LIN28B: variants seen among roughly 807,000 people sequenced by gnomAD.
LIN28B encodes protein lin-28 homolog B.
Under a neutral mutation model 21.9 loss-of-function variants are expected in LIN28B, and 5 were observed. That is an observed-to-expected ratio of 0.23 (90% CI 0.12 to 0.48). The LOEUF (loss-of-function observed/expected upper bound fraction) is 0.48, where lower values mean the gene tolerates loss of function less well. LIN28B is among the 20% of genes least tolerant of loss of function. The pLI, the probability that LIN28B is intolerant of heterozygous loss-of-function variation, is 0.98. For synonymous variants in LIN28B, 109 were observed against 111.3 expected (o/e 0.98, Z 0.13); for missense variants, 245 against 310.5 (o/e 0.79, Z 1.58).
rs1456520348 is a variant in LIN28B at position 105,078,406 on chromosome 6, C to T, written c.384-8C>T. On this transcript the variant is annotated splice_polypyrimidine_tract_variant and splice_region_variant and intron_variant, in intron 3 of 3. Coordinates refer to ENST00000345080, the MANE Select transcript of LIN28B (RefSeq NM_001004317.4). Reference sequence around the variant, plus strand: ...CTTCTAAGATGTTTTCATCTTTTTTCCTTGTAGATGCTACAACTGTGGTGG... The same window carrying T: ...CTTCTAAGATGTTTTCATCTTTTTTTCTTGTAGATGCTACAACTGTGGTGG... 7.0e-6 allele frequency: 11 copies of T among 1,576,690 alleles called. No homozygotes were observed. The Admixed American group carries it at 1.1e-4, about 15-fold the overall frequency.
intron 3 of LIN28B, among the ~76,000 whole-genome samples, chr6:105,052,812 A>G (rs1016759448): frequency 6.6e-6 from 1 of 151,764 alleles, no homozygotes; most frequent in Non-Finnish European, 1.5e-5. Context: ...GAGTTTATTC[A>G]TTTTTTAAAA....
upstream of LIN28B, among the ~76,000 whole-genome samples, chr6:104,956,325 T>A (rs962506104): frequency 3.3e-5 from 5 of 152,148 alleles, no homozygotes; most frequent in African/African-American, 7.2e-5. Flanking sequence ...AAAACTGGGC[T>A]GTTATTTAGG....
At chr6:104,941,924 C>A (rs1323179845) in intron 2 of LIN28B, among the ~76,000 whole-genome samples, 1 of 152,046 alleles carries the variant, frequency 6.6e-6, no homozygotes, top group Admixed American at 6.6e-5. Flanking sequence ...GTATTTAGTG[C>A]CCTTATTGCG....
intron 2 of LIN28B, among the ~76,000 whole-genome samples, chr6:105,021,813 GGCTTTTTA>G (rs1220373212): frequency 6.6e-6 from 1 of 152,064 alleles, no homozygotes; most frequent in Non-Finnish European, 1.5e-5. Flanking sequence ...TGAAGAAGGA[GGCTTTTTA>G]GTTTAAGTCT....
At chr6:105,021,660 T>G (rs1473312630) in intron 2 of LIN28B, among the ~76,000 whole-genome samples, 2 of 152,178 alleles carry the variant, frequency 1.3e-5, no homozygotes, top group Non-Finnish European at 2.9e-5. Context: ...AAAATGTCTA[T>G]TCATGTTCTT....
chr6:105,000,245 A>C (rs1770695250), intron 2 of LIN28B, among the ~76,000 whole-genome samples: 3 of 152,144 alleles, frequency 2.0e-5, no homozygotes, highest in Non-Finnish European at 4.4e-5. Flanking sequence ...GCCATGTTTA[A>C]AAAAACAGTT....
intron 2 of LIN28B, among the ~76,000 whole-genome samples, chr6:104,939,752 T>G (rs1337536922): frequency 6.6e-6 from 1 of 152,230 alleles, no homozygotes; most frequent in Non-Finnish European, 1.5e-5. Context: ...AACAAATTTT[T>G]AGTTTGCTGA....
intron 2 of LIN28B, among the ~76,000 whole-genome samples, chr6:104,961,618 T>G (rs1434341839): frequency 1.3e-5 from 2 of 152,150 alleles, no homozygotes; most frequent in African/African-American, 4.8e-5. Context: ...GCCAGGCTAG[T>G]CACGAGCTCC....
At chr6:105,060,267 G>A (rs997172233) in intron 3 of LIN28B, among the ~76,000 whole-genome samples, 1 of 144,490 alleles carries the variant, frequency 6.9e-6, no homozygotes, top group East Asian at 2.0e-4. Flanking sequence ...TTTTTTGTTT[G>A]TTTGTTTCTT....
chr6:105,057,493 G>A (rs552850101), intron 3 of LIN28B, among the ~76,000 whole-genome samples: 1 of 152,220 alleles, frequency 6.6e-6, no homozygotes, highest in East Asian at 1.9e-4. Context: ...GCCTTGACAT[G>A]TTATGCTGCT....
chr6:105,000,818 C>T (rs745597046), intron 2 of LIN28B, among the ~76,000 whole-genome samples: 1 of 152,112 alleles, frequency 6.6e-6, no homozygotes, highest in Non-Finnish European at 1.5e-5. Flanking sequence ...TTCAGAATTA[C>T]TGTTATGTAC....
chr6:104,999,668 GGT>G (rs1770681225), intron 2 of LIN28B, among the ~76,000 whole-genome samples: 1 of 152,044 alleles, frequency 6.6e-6, no homozygotes, highest in Non-Finnish European at 1.5e-5. Context: ...CCTGTCTTAT[GGT>G]GCTGAACAAA....
At chr6:105,071,546 A>C (rs1375971512) in intron 3 of LIN28B, among the ~76,000 whole-genome samples, 4 of 152,150 alleles carry the variant, frequency 2.6e-5, no homozygotes, top group Non-Finnish European at 5.9e-5. Context: ...TACCTGAATC[A>C]TTGTGTTTAT....
intron 3 of LIN28B, among the ~76,000 whole-genome samples, chr6:105,040,588 A>G (rs1488581701): frequency 6.6e-6 from 1 of 152,026 alleles, no homozygotes; most frequent in East Asian, 1.9e-4. Context: ...TTGTATTTAC[A>G]TATAATGGGG....
chr6:104,944,728 A>G (rs1246636762), intron 2 of LIN28B, among the ~76,000 whole-genome samples: 1 of 152,108 alleles, frequency 6.6e-6, no homozygotes, highest in Non-Finnish European at 1.5e-5. Flanking sequence ...TACATTTAAT[A>G]TATCAGTAAA....
Position 105,057,631 on chromosome 6 carries a change from A to G in LIN28B, c.384-20783A>G, listed in dbSNP as rs567272430. ...GTATGGAATGGCTTAAAGCCAATTT[A>G]TTTATCATAGACAAGTACAAGCATT... On this transcript the variant is annotated intron_variant, in intron 3 of 3. Transcript: ENST00000345080. 9.9e-5 allele frequency among the ~76,000 whole-genome samples: 15 copies of G among 152,260 alleles called. No homozygotes were observed. In the East Asian group the frequency reaches 2.9e-3, roughly 29 times the overall value.
At chr6:104,995,624 A>G (rs1582885558) in intron 2 of LIN28B, among the ~76,000 whole-genome samples, 2 of 152,166 alleles carry the variant, frequency 1.3e-5, no homozygotes, top group African/African-American at 4.8e-5. Context: ...GAACTTAGCA[A>G]AGTACCAGTA....
intron 2 of LIN28B, among the ~76,000 whole-genome samples, chr6:105,012,894 C>G (rs1047314366): frequency 6.6e-6 from 1 of 152,146 alleles, no homozygotes; most frequent in Non-Finnish European, 1.5e-5. Flanking sequence ...GATTGCCAAA[C>G]TTTTTCCAAA....
chr6:105,062,863 A>G (rs551665092), intron 3 of LIN28B, among the ~76,000 whole-genome samples: 1 of 152,174 alleles, frequency 6.6e-6, no homozygotes, highest in Admixed American at 6.5e-5. Flanking sequence ...AGAATGATCA[A>G]TTTGATTGAT....
Sources: gnomAD v4.1 joint callset for allele counts (sites outside exome capture counted in the v4.1 genomes callset) on GRCh38, gnomAD v4.1.1 for gene constraint, MANE v1.5 for transcripts, NCBI Gene and HGNC (gene_info 2026-07-23, HGNC 2026-07-21) for gene names.